Variants in EBF3 observed in about 807,000 individuals in gnomAD.
The protein encoded by EBF3 is transcription factor COE3.
In EBF3, 18 loss-of-function variants were observed where a neutral mutation model predicts 77.1. The ratio of observed to expected loss-of-function variants is 0.23; its 90% CI spans 0.16 to 0.35. The LOEUF (loss-of-function observed/expected upper bound fraction) is 0.35, where lower values mean the gene tolerates loss of function less well. Among genes scored for constraint, EBF3 ranks in the 10% least tolerant of loss-of-function variants. EBF3 has a pLI of 1.00. For missense variants in EBF3, 558 were observed against 860.0 expected, an observed-to-expected ratio of 0.65 and a Z score of 4.39; for synonymous variants, 350 against 343.5, an observed-to-expected ratio of 1.02 and a Z score of -0.21.
In EBF3 at chr10:129,848,806, T is replaced by G. The variant is rs925249782; in HGVS notation, c.1040-326A>C. Among the ~76,000 whole-genome samples the G allele has an allele frequency of 1.3e-5, 2 of 152,228 alleles. No individual in the cohort carries two copies. Among genetic ancestry groups the G allele is most frequent in the African/African-American group, 4.8e-5 (2 of 41,474 alleles). ...CCACCATCACGATGTGATGTCTGCA[T>G]CACACGGTGCCTTCCACACTGGCCA... On this transcript the variant is annotated intron_variant, in intron 10 of 16. Transcript: ENST00000440978. The surrounding 1 kb of genome is among the most constrained non-coding windows in gnomAD (Gnocchi z 4.4).
At chr10:129,929,388 T>C (rs1856863894) in intron 6 of EBF3, among the ~76,000 whole-genome samples, 1 of 152,056 alleles carries the variant, frequency 6.6e-6, no homozygotes. Context: ...GTAATTTTTA[T>C]AGATACAGGG....
At chr10:129,932,893 T>TC (rs1857118210) in intron 6 of EBF3, among the ~76,000 whole-genome samples, 1 of 109,132 alleles carries the variant, frequency 9.2e-6, no homozygotes, top group Admixed American at 1.3e-4. Flanking sequence ...TTCTTTTTTT[T>TC]CCTTTTTTTT....
intron 6 of EBF3, among the ~76,000 whole-genome samples, chr10:129,904,627 A>G (rs1484218634): frequency 6.7e-6 from 1 of 149,708 alleles, no homozygotes; most frequent in African/African-American, 2.5e-5. Flanking sequence ...TGGATGGACA[A>G]ATGGATGGAT....
intron 4 of EBF3, among the ~76,000 whole-genome samples, chr10:129,959,848 C>T (rs1859357216): frequency 6.6e-6 from 1 of 152,046 alleles, no homozygotes; most frequent in Non-Finnish European, 1.5e-5. Flanking sequence ...TGCTCCTCGC[C>T]GGATGATATT....
At chr10:129,904,338 C>G (rs956615301) in intron 6 of EBF3, among the ~76,000 whole-genome samples, 4 of 152,220 alleles carry the variant, frequency 2.6e-5, no homozygotes, top group African/African-American at 9.7e-5. Flanking sequence ...GTATTATAAT[C>G]ATTTGTTTCT....
chr10:129,924,427 C>CAAAAAAAAAAAAAAAAAAAA (rs1301550468), intron 6 of EBF3, among the ~76,000 whole-genome samples: 1 of 110,330 alleles, frequency 9.1e-6, no homozygotes, highest in Non-Finnish European at 1.9e-5. Context: ...ACAACAACAA[C>CAAAAAAAAAAAAAAAAAAAA]AACAAAAAAA....
intron 6 of EBF3, among the ~76,000 whole-genome samples, chr10:129,914,101 G>A (rs561277213): frequency 6.6e-6 from 1 of 152,216 alleles, no homozygotes; most frequent in Non-Finnish European, 1.5e-5. Context: ...GGGGTGAGGG[G>A]TTCCTCGAAG....
In EBF3 at chr10:129,928,437, G is replaced by A. The variant is rs1011247420; in HGVS notation, c.554+28821C>T. Reference sequence around the variant, plus strand: ...TTGCCTAATTTTACGTGGTAAGAACGTTTCCATTGTATGCACTAATCCGCC... The same window carrying A: ...TTGCCTAATTTTACGTGGTAAGAACATTTCCATTGTATGCACTAATCCGCC... On this transcript the variant is annotated intron_variant, in intron 6 of 16. Transcript: ENST00000440978. Among the ~76,000 whole-genome samples, 5 of 152,198 alleles carry A rather than the reference G, an allele frequency of 3.3e-5. No homozygotes were observed. The South Asian group carries it at 1.0e-3, about 32-fold the overall frequency.
At chr10:129,868,020 C>T (rs546548603) in intron 8 of EBF3, 108 bp from the exon 9 acceptor site, 58 of 1,489,984 alleles carry the variant, frequency 3.9e-5, no homozygotes, top group African/African-American at 1.4e-5. Flanking sequence ...AGAGGCGCGC[C>T]GTTCCTCCAG....
chr10:129,837,823 AT>A lies in EBF3; in HGVS notation c.*119del. 2.2e-6 allele frequency: 3 copies of A among 1,368,330 alleles called. No homozygotes were observed. Among genetic ancestry groups the A allele is most frequent in the Non-Finnish European group, 3.1e-6 (3 of 979,694 alleles). The allele number at this position is 1,368,330 out of a possible 1,614,324, so 84.8% of individuals were successfully genotyped here. ...TTTTGTAGCATTTCAATTGCTGCTG[AT>A]TTTTTTGAAGATACTGTTTCCATCA... is the stretch of plus-strand genomic sequence containing the variant. On this transcript the variant is annotated 3_prime_UTR_variant, in exon 17 of 17. Transcript: ENST00000440978.
chr10:129,948,100 T>C (rs1858366573), intron 6 of EBF3, among the ~76,000 whole-genome samples: 1 of 151,390 alleles, frequency 6.6e-6, no homozygotes, highest in Admixed American at 6.6e-5. Flanking sequence ...CTACTACAAA[T>C]ACAAAAAATT....
At chr10:129,886,165 T>C (rs1299180234) in intron 6 of EBF3, among the ~76,000 whole-genome samples, 1 of 152,056 alleles carries the variant, frequency 6.6e-6, no homozygotes, top group Non-Finnish European at 1.5e-5. Context: ...ATCATCTTTG[T>C]AGGCTGAATT....
In EBF3 at chr10:129,963,738, C is replaced by A. The variant is rs752811357; in HGVS notation, c.31G>T (p.Gly11Trp). The change falls in exon 1 of 17, where the codon GGG (glycine) becomes TGG (tryptophan). Residue 11 changes from glycine (G) to tryptophan (W), a missense_variant. By Grantham distance (184) the Gly-to-Trp change is radical. Around this residue, in one of 5 missense-constraint regions of EBF3, gnomAD observed 64 missense variants for 54.5 expected, o/e 1.18. Coordinates refer to ENST00000440978, the MANE Select transcript of EBF3 (RefSeq NM_001375380.1). This position sits in a 1 kb window ranked among gnomAD's most constrained non-coding sequence, Gnocchi z 7.1. MFGIQENIPRGGTTMKEEPLG... is the reference protein window; with the variant it reads MFGIQENIPRWGTTMKEEPLG... ...GGCTCCTCCTTCATGGTCGTCCCCCCGCGCGGAATATTCTCCTGAATCCCA... is the reference window on the plus strand; with the variant it reads ...GGCTCCTCCTTCATGGTCGTCCCCCAGCGCGGAATATTCTCCTGAATCCCA... The A allele has an allele frequency of 1.3e-6, 2 of 1,533,500 alleles. No homozygotes were observed. Among genetic ancestry groups the A allele is most frequent in the Non-Finnish European group, 8.8e-7 (1 of 1,132,932 alleles). 95.0% of individuals were successfully genotyped at this position (1,533,500 alleles called of 1,614,324 possible).
intron 6 of EBF3, among the ~76,000 whole-genome samples, chr10:129,924,655 GAGGTAT>G (rs1564894242): frequency 1.3e-5 from 2 of 152,116 alleles, no homozygotes; most frequent in African/African-American, 4.8e-5. Flanking sequence ...AGGTTTTAAA[GAGGTAT>G]CTGTGTTTCT....
intron 10 of EBF3, among the ~76,000 whole-genome samples, chr10:129,852,870 A>T (rs1850991276): frequency 6.6e-6 from 1 of 152,234 alleles, no homozygotes. Context: ...GGTCCCCACC[A>T]GCTGTGGGAA....
At chr10:129,949,414 G>T (rs1858491197) in intron 6 of EBF3, among the ~76,000 whole-genome samples, 1 of 152,220 alleles carries the variant, frequency 6.6e-6, no homozygotes, top group Non-Finnish European at 1.5e-5. Context: ...GTGCCAAGAA[G>T]ACTAAGCCGG....
At chr10:129,919,198 G>C (rs898321594) in intron 6 of EBF3, among the ~76,000 whole-genome samples, 6 of 152,180 alleles carry the variant, frequency 3.9e-5, no homozygotes, top group African/African-American at 1.4e-4. Context: ...AAACCACATG[G>C]GCAGCAGGGT....
At chr10:129,957,201 CA>C in intron 6 of EBF3, 56 bp downstream of exon 6, 1 of 1,514,418 alleles carries the variant, frequency 6.6e-7, no homozygotes, top group Admixed American at 1.8e-5. Context: ...CCAAGCAAGG[CA>C]AAACGTTTTG....
intron 6 of EBF3, among the ~76,000 whole-genome samples, chr10:129,917,023 G>A (rs1412767115): frequency 6.6e-6 from 1 of 152,170 alleles, no homozygotes; most frequent in African/African-American, 2.4e-5. Flanking sequence ...AAGTACAATA[G>A]ATTTGTAAAG....
Sources: allele counts gnomAD v4.1 joint callset (sites outside exome capture counted in the v4.1 genomes callset), GRCh38; gene constraint gnomAD v4.1.1; regional missense constraint gnomAD v4.1.1; non-coding constraint Gnocchi (gnomAD v3.1); transcripts MANE v1.5; gene names NCBI Gene and HGNC (gene_info 2026-07-23, HGNC 2026-07-21).